The following RAP1GAP2 variants were observed in gnomAD, a reference collection of about 807,000 sequenced individuals.
The protein encoded by RAP1GAP2 is rap1 GTPase-activating protein 2.
RAP1GAP2 carries 27 observed loss-of-function variants against 95.0 expected under a neutral mutation model. The ratio of observed to expected loss-of-function variants is 0.28; its 90% CI spans 0.21 to 0.39. The LOEUF is 0.39. Ranked by LOEUF, RAP1GAP2 falls within the 10% of genes least tolerant of loss-of-function variation. RAP1GAP2 has a pLI of 1.00. For missense variants in RAP1GAP2, 771 were observed against 970.0 expected, an observed-to-expected ratio of 0.79 and a Z score of 2.72; for synonymous variants, 373 against 380.9, an observed-to-expected ratio of 0.98 and a Z score of 0.24.
At position 3,033,036 on chromosome 17, in the gene RAP1GAP2, G is replaced by A. The variant is rs1388474623; in HGVS notation, c.*31-356G>A. The A allele has an allele frequency of 6.4e-6, 1 of 155,578 alleles. No individual in the cohort carries two copies. The highest frequency in any genetic ancestry group is 2.4e-5 in the African/African-American group (1 of 41,474). 9.6% of individuals were successfully genotyped at this position (155,578 alleles called of 1,614,324 possible). Reference sequence around the variant, plus strand: ...GAGCTCCCAGCCCTCTCCCCACATGGGGCTTCAGGGGTCAGAGTCACAGCT... The same window carrying A: ...GAGCTCCCAGCCCTCTCCCCACATGAGGCTTCAGGGGTCAGAGTCACAGCT... On this transcript the variant is annotated intron_variant, in intron 24 of 24. Coordinates refer to ENST00000254695, the MANE Select transcript of RAP1GAP2 (RefSeq NM_015085.5). This position sits in a 1 kb window ranked among gnomAD's most constrained non-coding sequence, Gnocchi z 4.9.
chr17:2,852,401 T>C (rs1165919244), intron 2 of RAP1GAP2, among the ~76,000 whole-genome samples: 1 of 151,890 alleles, frequency 6.6e-6, no homozygotes, highest in African/African-American at 2.4e-5. Context: ...ACCAGGTGCA[T>C]TTAAGAACCA....
chr17:2,974,280 C>T lies in RAP1GAP2; in HGVS notation c.597-6007C>T, dbSNP rs372427072. Reference sequence around the variant, plus strand: ...AGGAGAATGGCGTGAACCCAGGAGGCGGAGCTTGTAGTGAGCCGAGATAGC... The same window carrying T: ...AGGAGAATGGCGTGAACCCAGGAGGTGGAGCTTGTAGTGAGCCGAGATAGC... On this transcript the variant is annotated intron_variant, in intron 8 of 24. Coordinates refer to ENST00000254695, the MANE Select transcript of RAP1GAP2 (RefSeq NM_015085.5). Among the ~76,000 whole-genome samples the T allele has an allele frequency of 6.7e-4, 102 of 151,144 alleles. 1 individual carries two copies. In the East Asian group the frequency reaches 0.016, roughly 23 times the overall value.
In RAP1GAP2 at chr17:2,904,957, C is replaced by T. The variant is rs958429327; in HGVS notation, c.81-327C>T. Among the ~76,000 whole-genome samples the T allele has an allele frequency of 6.6e-6, 1 of 152,138 alleles. No homozygotes were observed. Among genetic ancestry groups the T allele is most frequent in the Admixed American group, 6.5e-5 (1 of 15,274 alleles). On this transcript the variant is annotated intron_variant, in intron 2 of 24. Transcript: ENST00000254695. This position sits in a 1 kb window ranked among gnomAD's most constrained non-coding sequence, Gnocchi z 4.7. ...AGTGCAGTGGCGCCATCTTGGCTCA[C>T]TGCAACCTCCACCTCCCAGGTTCAA... is the stretch of plus-strand genomic sequence containing the variant.
At chr17:2,764,405 C>T (rs962056468) in intron 1 of RAP1GAP2, among the ~76,000 whole-genome samples, 5 of 146,728 alleles carry the variant, frequency 3.4e-5, no homozygotes, top group East Asian at 2.0e-4. Context: ...GCCTGGGCGA[C>T]GCAGCAAGAC....
chr17:2,957,127 CA>C (rs531735734), intron 3 of RAP1GAP2, among the ~76,000 whole-genome samples: 1,507 of 75,198 alleles, frequency 0.02, 29 homozygotes, highest in Admixed American at 0.073. Flanking sequence ...GACTCTGTCT[CA>C]AAAAAAAAAA....
At chr17:2,758,430 C>G (rs1051013472) in intron 1 of RAP1GAP2, among the ~76,000 whole-genome samples, 1 of 152,138 alleles carries the variant, frequency 6.6e-6, no homozygotes, top group Non-Finnish European at 1.5e-5. Context: ...GCCTCAGCCT[C>G]CCAAAGTGCT....
chr17:2,981,237 C>T lies in RAP1GAP2; in HGVS notation c.718C>T (p.Leu240=), dbSNP rs751643640. The part of the protein sequence containing the change: ...DAVGLRFNPV[L]YPKASQMIVS... ...AGTGGGACTGAGATTCAATCCTGTC[C>T]TGTACCCCAAGGTAAGGACCTTCAT... Residue 240 remains leucine, a synonymous_variant, in exon 10 of 25, where the codon CTG becomes TTG. Transcript: ENST00000254695. 2 of 1,611,594 alleles carry T rather than the reference C, an allele frequency of 1.2e-6. No homozygotes were observed. The highest frequency in any genetic ancestry group is 2.7e-5 in the African/African-American group (2 of 74,894).
intron 2 of RAP1GAP2, among the ~76,000 whole-genome samples, chr17:2,887,506 C>G (rs2073541898): frequency 6.6e-6 from 1 of 151,842 alleles, no homozygotes; most frequent in African/African-American, 2.4e-5. Flanking sequence ...TCCCGAGTAG[C>G]TGGGATTACA....
chr17:3,005,831 T>C lies in RAP1GAP2; in HGVS notation c.1273-124T>C. The C allele has an allele frequency of 1.1e-6, 1 of 902,692 alleles. No homozygotes were observed. The highest frequency in any genetic ancestry group is 1.8e-6 in the Non-Finnish European group (1 of 547,916). The allele number at this position is 902,692 out of a possible 1,614,324, so 55.9% of individuals were successfully genotyped here. A position where few individuals can be genotyped will look rare whatever the true frequency, so the allele number is the denominator to read the frequency against. On this transcript the variant is annotated intron_variant, in intron 15 of 24. Transcript: ENST00000254695. The surrounding 1 kb of genome is among the most constrained non-coding windows in gnomAD (Gnocchi z 5.2). ...TTGGCCTGGGCTAGAAATGATCCGCTGTCGGAAGGGACTTTTCAGGGGTTC... is the reference window on the plus strand; with the variant it reads ...TTGGCCTGGGCTAGAAATGATCCGCCGTCGGAAGGGACTTTTCAGGGGTTC...
At chr17:2,818,987 C>T (rs2151514684) in intron 2 of RAP1GAP2, among the ~76,000 whole-genome samples, 1 of 151,542 alleles carries the variant, frequency 6.6e-6, no homozygotes, top group Middle Eastern at 3.5e-3. Flanking sequence ...CATTATCGTT[C>T]TGCATGTGTG....
chr17:2,942,001 C>T (rs2043517821), intron 3 of RAP1GAP2, among the ~76,000 whole-genome samples: 1 of 152,104 alleles, frequency 6.6e-6, no homozygotes, highest in South Asian at 2.1e-4. Flanking sequence ...GGGCTTTGTC[C>T]TGAGTGTCAC....
Position 2,998,365 on chromosome 17 carries a change from C to T in RAP1GAP2, c.1189C>T (p.Pro397Ser), listed in dbSNP as rs369688833. 1.2e-4 allele frequency: 190 copies of T among 1,613,984 alleles called. 1 individual carries two copies. Among genetic ancestry groups the T allele is most frequent in the Middle Eastern group, 1.6e-4 (1 of 6,062 alleles). ...GGTCGAGACCCCAGGCACAGAGACC[C>T]CATCCTACAAGGTAAGGAGAACGCC... ...VQVETPGTETPSYKVSVTARE... is the reference protein window; with the variant it reads ...VQVETPGTETSSYKVSVTARE... Residue 397 changes from proline to serine, a missense_variant, in exon 14 of 25, where the codon CCA becomes TCA. Pro to Ser is a moderately conservative substitution (Grantham distance 74). Transcript: ENST00000254695.
intron 2 of RAP1GAP2, among the ~76,000 whole-genome samples, chr17:2,887,584 AG>A (rs1299447244): frequency 1.3e-5 from 2 of 151,850 alleles, no homozygotes; most frequent in Non-Finnish European, 2.9e-5. Context: ...CATGTTAGCC[AG>A]GCTGGTCTCG....
At chr17:2,834,112 A>G (rs1325754635) in intron 2 of RAP1GAP2, among the ~76,000 whole-genome samples, 1 of 152,110 alleles carries the variant, frequency 6.6e-6, no homozygotes, top group Non-Finnish European at 1.5e-5. Flanking sequence ...CTCCTTTTCA[A>G]AAGCCCTCCA....
intron 11 of RAP1GAP2, among the ~76,000 whole-genome samples, chr17:2,990,004 T>C (rs957285355): frequency 6.6e-6 from 1 of 152,228 alleles, no homozygotes; most frequent in African/African-American, 2.4e-5. Flanking sequence ...TGGCCTTTTG[T>C]GTCTGGTTTC....
At chr17:2,807,018 A>G (rs985338345) in intron 2 of RAP1GAP2, among the ~76,000 whole-genome samples, 8 of 151,170 alleles carry the variant, frequency 5.3e-5, no homozygotes, top group African/African-American at 2.0e-4. Context: ...TTCCCTCCCC[A>G]TGCTGTGAGA....
chr17:3,030,177 T>TACACACACACACACACACAC (rs61671474), intron 22 of RAP1GAP2, among the ~76,000 whole-genome samples: 2,332 of 145,200 alleles, frequency 0.016, 26 homozygotes, highest in Middle Eastern at 0.025. Context: ...ATATATATTA[T>TACACACACACACACACACAC]ACACACACAC....
At chr17:2,955,206 A>G (rs1339275321) in intron 3 of RAP1GAP2, among the ~76,000 whole-genome samples, 1 of 152,184 alleles carries the variant, frequency 6.6e-6, no homozygotes, top group Admixed American at 6.6e-5. Context: ...GAATTGCCAA[A>G]TGATTTTCCA....
chr17:2,797,170 G>C lies in RAP1GAP2; in HGVS notation c.44+599G>C, dbSNP rs191087603. On this transcript the variant is annotated intron_variant, in intron 1 of 24. Transcript: ENST00000254695. The surrounding 1 kb of genome is among the most constrained non-coding windows in gnomAD (Gnocchi z 5.6). The stretch of plus-strand genomic sequence containing the variant: ...GGGCTGCCTGCTGTCTTGGGGGTGG[G>C]TTGTGAGAGAAGGTCTCCCACCTGC... Among the ~76,000 whole-genome samples, 170 of 152,232 alleles carry C rather than the reference G, an allele frequency of 1.1e-3. No individual in the cohort carries two copies. The highest frequency in any genetic ancestry group is 3.9e-3 in the African/African-American group (162 of 41,520).
Sources: allele counts gnomAD v4.1 joint callset (sites outside exome capture counted in the v4.1 genomes callset), GRCh38; gene constraint gnomAD v4.1.1; non-coding constraint Gnocchi (gnomAD v3.1); transcripts MANE v1.5; gene names NCBI Gene and HGNC (gene_info 2026-07-23, HGNC 2026-07-21).